STX8: variants seen among roughly 807,000 people sequenced by gnomAD.
STX8 encodes the protein syntaxin 8, also known as syntaxin-8.
In STX8, 23 loss-of-function variants were observed where a neutral mutation model predicts 37.5. That is an observed-to-expected ratio of 0.61 (90% CI 0.44 to 0.87). The LOEUF (loss-of-function observed/expected upper bound fraction) is 0.87, where lower values mean the gene tolerates loss of function less well. Among genes scored for constraint, STX8 ranks in the 40% least tolerant of loss-of-function variants. STX8 has a pLI of 0.00. For synonymous variants in STX8, 115 were observed against 99.1 expected (o/e 1.16, Z -0.95); for missense variants, 313 against 284.7 (o/e 1.10, Z -0.71).
chr17:9,252,802 C>T (rs902645573), intron 7 of STX8, among the ~76,000 whole-genome samples: 3 of 152,152 alleles, frequency 2.0e-5, no homozygotes, highest in Admixed American at 1.3e-4. Context: ...TCATCCTAGT[C>T]TACCTCAAGG....
chr17:9,454,638 C>T (rs1478894817), intron 6 of STX8, among the ~76,000 whole-genome samples: 2 of 150,126 alleles, frequency 1.3e-5, no homozygotes, highest in Admixed American at 6.6e-5. Context: ...CAAGATCGCG[C>T]CACTGCACTC....
At chr17:9,365,417 C>T (rs181254083) in intron 7 of STX8, among the ~76,000 whole-genome samples, 1 of 152,114 alleles carries the variant, frequency 6.6e-6, no homozygotes, top group Non-Finnish European at 1.5e-5. Flanking sequence ...AGTTTGGGGC[C>T]TGAAAAAATA....
chr17:9,279,061 G>GTTT (rs1479426591), intron 7 of STX8, among the ~76,000 whole-genome samples: 2 of 98,318 alleles, frequency 2.0e-5, no homozygotes, highest in East Asian at 5.6e-4. Flanking sequence ...TGTGTTTTTT[G>GTTT]TTTTTTGTTT....
At chr17:9,460,698 A>C (rs1396774692) in intron 6 of STX8, among the ~76,000 whole-genome samples, 2 of 150,560 alleles carry the variant, frequency 1.3e-5, no homozygotes, top group Non-Finnish European at 2.9e-5. Flanking sequence ...ACAAAACAAA[A>C]CTACTAAATT....
chr17:9,431,013 G>T (rs1275803481), intron 6 of STX8, among the ~76,000 whole-genome samples: 5 of 148,894 alleles, frequency 3.4e-5, no homozygotes, highest in African/African-American at 1.2e-4. Flanking sequence ...GGGTTTTTTT[G>T]TTGTTGTTGT....
intron 7 of STX8, among the ~76,000 whole-genome samples, chr17:9,332,698 C>G (rs1250873402): frequency 2.0e-5 from 3 of 152,162 alleles, no homozygotes; most frequent in East Asian, 3.8e-4. Context: ...GTCTCTACAT[C>G]CAGAGGGCCT....
At chr17:9,398,260 C>T (rs1912479792) in intron 6 of STX8, among the ~76,000 whole-genome samples, 1 of 152,180 alleles carries the variant, frequency 6.6e-6, no homozygotes, top group South Asian at 2.1e-4. Context: ...ATCACATTCA[C>T]AGTATGTGAC....
intron 6 of STX8, among the ~76,000 whole-genome samples, chr17:9,381,780 C>T (rs902389834): frequency 2.0e-5 from 3 of 152,134 alleles, no homozygotes; most frequent in African/African-American, 7.2e-5. Context: ...ACCAGCCTGG[C>T]CAACATGGTG....
At chr17:9,438,449 C>T (rs12948963) in intron 6 of STX8, among the ~76,000 whole-genome samples, 26,972 of 151,836 alleles carry the variant, frequency 0.18, 2,956 homozygotes, top group Middle Eastern at 0.27. Flanking sequence ...CAGTATCTGT[C>T]TTTTAACAAG....
chr17:9,369,825 G>A (rs547771509), intron 7 of STX8, among the ~76,000 whole-genome samples: 5 of 148,982 alleles, frequency 3.4e-5, no homozygotes, highest in Admixed American at 1.3e-4. Flanking sequence ...CCTGGGAGGT[G>A]GAGGTTGCAG....
intron 5 of STX8, among the ~76,000 whole-genome samples, chr17:9,497,015 A>G (rs534277039): frequency 6.6e-6 from 1 of 152,366 alleles, no homozygotes; most frequent in African/African-American, 2.4e-5. Flanking sequence ...TAAAGCAGCA[A>G]TAGAAAACTA....
At chr17:9,336,354 ATTTCTTTCC>A (rs940075755) in intron 7 of STX8, among the ~76,000 whole-genome samples, 55 of 151,850 alleles carry the variant, frequency 3.6e-4, no homozygotes, top group African/African-American at 1.2e-3. Flanking sequence ...AATACTTTAG[ATTTCTTTCC>A]TTTCTTTCCT....
intron 7 of STX8, among the ~76,000 whole-genome samples, chr17:9,293,283 G>C (rs889154814): frequency 2.0e-5 from 3 of 152,160 alleles, no homozygotes; most frequent in Admixed American, 1.3e-4. Flanking sequence ...TATTCTAGGA[G>C]TATCTAAGGG....
chr17:9,377,192 C>T (rs1911624000), intron 7 of STX8, among the ~76,000 whole-genome samples: 1 of 152,072 alleles, frequency 6.6e-6, no homozygotes, highest in Non-Finnish European at 1.5e-5. Flanking sequence ...CCAGAGCTTC[C>T]AAAGTGGACA....
chr17:9,313,868 G>T (rs1909281575), intron 7 of STX8, among the ~76,000 whole-genome samples: 1 of 152,174 alleles, frequency 6.6e-6, no homozygotes, highest in African/African-American at 2.4e-5. Flanking sequence ...CTGACCTCGT[G>T]ATCCACCTGC....
intron 4 of STX8, among the ~76,000 whole-genome samples, chr17:9,535,899 A>G (rs1248986527): frequency 6.6e-6 from 1 of 152,238 alleles, no homozygotes; most frequent in Non-Finnish European, 1.5e-5. Flanking sequence ...TAAGGCTACA[A>G]AAACTAATGA....
At chr17:9,547,642 A>AAG (rs1555536288) in intron 3 of STX8, among the ~76,000 whole-genome samples, 3,151 of 115,510 alleles carry the variant, frequency 0.027, 210 homozygotes, top group South Asian at 0.041. Flanking sequence ...AAAAAAAAGA[A>AAG]AAAAGAAAAG....
At chr17:9,382,539 G>A (rs946385398) in intron 6 of STX8, among the ~76,000 whole-genome samples, 11 of 152,014 alleles carry the variant, frequency 7.2e-5, no homozygotes, top group East Asian at 1.9e-4. Context: ...CCATCAACTC[G>A]TCATTTACAT....
chr17:9,306,934 G>A (rs1349217343), intron 7 of STX8, among the ~76,000 whole-genome samples: 2 of 151,154 alleles, frequency 1.3e-5, no homozygotes. Context: ...GACCAGCCTG[G>A]CCAACATGGT....
Sources: allele counts gnomAD v4.1 joint callset (sites outside exome capture counted in the v4.1 genomes callset), GRCh38; gene constraint gnomAD v4.1.1; transcripts MANE v1.5; gene names NCBI Gene and HGNC (gene_info 2026-07-23, HGNC 2026-07-21).